The following PRKCZ variants were observed in gnomAD, a reference collection of about 807,000 sequenced individuals.
PRKCZ encodes the protein protein kinase C zeta.
PRKCZ carries 33 observed loss-of-function variants against 79.5 expected under a neutral mutation model. That is an observed-to-expected ratio of 0.41 (90% CI 0.31 to 0.55). The LOEUF (loss-of-function observed/expected upper bound fraction) is 0.55. Among genes scored for constraint, PRKCZ ranks in the 20% least tolerant of loss-of-function variants. PRKCZ has a pLI of 0.19. For synonymous variants in PRKCZ, 342 were observed against 320.9 expected (o/e 1.07, Z -0.70); for missense variants, 578 against 813.5 (o/e 0.71, Z 3.52).
At chr1:2,134,214 G>T (rs770675078) in intron 4 of PRKCZ, among the ~76,000 whole-genome samples, 16 of 152,302 alleles carry the variant, frequency 1.1e-4, no homozygotes, top group African/African-American at 2.6e-4. Flanking sequence ...TCTTGGTTTC[G>T]CTCTGAATCT....
intron 4 of PRKCZ, among the ~76,000 whole-genome samples, chr1:2,080,451 T>G (rs545408322): frequency 3.4e-5 from 5 of 146,506 alleles, no homozygotes; most frequent in African/African-American, 1.4e-4. Flanking sequence ...CCCCTCTGTT[T>G]GTTTTTCCTT....
At chr1:2,121,765 TGGTTAGGGTCAC>T (rs1557613709) in intron 4 of PRKCZ, among the ~76,000 whole-genome samples, 1 of 78,796 alleles carries the variant, frequency 1.3e-5, no homozygotes, top group Non-Finnish European at 2.3e-5. Flanking sequence ...GTCACGGCGG[TGGTTAGGGTCAC>T]GGTGGTGGTT....
At chr1:2,132,042 A>C (rs1571687950) in intron 4 of PRKCZ, among the ~76,000 whole-genome samples, 1 of 152,130 alleles carries the variant, frequency 6.6e-6, no homozygotes, top group Non-Finnish European at 1.5e-5. Context: ...CGATCTCCTG[A>C]CCTTGTGATC....
At chr1:2,080,532 C>T (rs1663303034) in intron 4 of PRKCZ, among the ~76,000 whole-genome samples, 2 of 152,152 alleles carry the variant, frequency 1.3e-5, no homozygotes, top group Admixed American at 6.5e-5. Flanking sequence ...TCTGTCACCC[C>T]CTCGTTCAGT....
At chr1:2,091,802 G>T (rs889505157) in intron 4 of PRKCZ, among the ~76,000 whole-genome samples, 4 of 152,214 alleles carry the variant, frequency 2.6e-5, no homozygotes, top group African/African-American at 9.7e-5. Context: ...TACCAGGTGG[G>T]AGCAGCAGGG....
rs566266668 is a variant in PRKCZ at position 2,128,612 on chromosome 1, A to C, written c.335-6650A>C. On this transcript the variant is annotated intron_variant, in intron 4 of 17. Coordinates refer to ENST00000378567, the MANE Select transcript of PRKCZ (RefSeq NM_002744.6). This position sits in a 1 kb window ranked among gnomAD's most constrained non-coding sequence, Gnocchi z 6.5. ...TGAAAGAGGAGGAGCGGCCCCTGTG[A>C]TCCCCACAATTTTGTTCCCTGCTTG... Among the ~76,000 whole-genome samples the C allele has an allele frequency of 3.9e-5, 6 of 152,208 alleles. No homozygotes were observed. The highest frequency in any genetic ancestry group is 1.4e-4 in the African/African-American group (6 of 41,522).
intron 4 of PRKCZ, among the ~76,000 whole-genome samples, chr1:2,108,453 G>A (rs549037960): frequency 2.0e-5 from 3 of 152,336 alleles, no homozygotes; most frequent in East Asian, 1.9e-4. Flanking sequence ...GGGCCGTGGC[G>A]GCTCCGAGGC....
At chr1:2,065,135 C>T (rs770856470) in intron 4 of PRKCZ, among the ~76,000 whole-genome samples, 2 of 152,086 alleles carry the variant, frequency 1.3e-5, no homozygotes, top group Non-Finnish European at 2.9e-5. Context: ...CTTGATTTCC[C>T]TTTTGCGTTG....
At chr1:2,164,205 C>T (rs902938747) in intron 10 of PRKCZ, among the ~76,000 whole-genome samples, 2 of 152,158 alleles carry the variant, frequency 1.3e-5, no homozygotes, top group African/African-American at 2.4e-5. Flanking sequence ...CTCCAGTGAT[C>T]AAGGGAGACA....
Position 2,165,803 on chromosome 1 carries a change from G to T in PRKCZ, c.975-3715G>T, listed in dbSNP as rs1557719414. 6.6e-6 allele frequency among the ~76,000 whole-genome samples: 1 copy of T among 152,140 alleles called. No homozygotes were observed. The highest frequency in any genetic ancestry group is 6.5e-5 in the Admixed American group (1 of 15,282). On this transcript the variant is annotated intron_variant, in intron 10 of 17. Coordinates refer to ENST00000378567, the MANE Select transcript of PRKCZ (RefSeq NM_002744.6). This position sits in a 1 kb window ranked among gnomAD's most constrained non-coding sequence, Gnocchi z 4.1. The stretch of plus-strand genomic sequence containing the variant: ...GGCTGTGGTTCCTCCCTCTGAGCCG[G>T]GCACCTTGCATTCCTGGAAGGGGTG...
chr1:2,145,544 A>C, intron 6 of PRKCZ: 1 of 154,412 alleles, frequency 6.5e-6, no homozygotes, highest in Non-Finnish European at 1.4e-5. Flanking sequence ...AATTCAGTAA[A>C]ATAGCATAAC....
At chr1:2,144,383 G>C in intron 6 of PRKCZ, 42 bp downstream of exon 6, 1 of 1,545,568 alleles carries the variant, frequency 6.5e-7, no homozygotes, top group Non-Finnish European at 8.7e-7. Flanking sequence ...CACGGGCGGG[G>C]TCGGGGCGTG....
chr1:2,125,930 G>A lies in PRKCZ; in HGVS notation c.335-9332G>A, dbSNP rs766972630. 9.9e-5 allele frequency among the ~76,000 whole-genome samples: 15 copies of A among 152,190 alleles called. No individual in the cohort carries two copies. The highest frequency in any genetic ancestry group is 2.2e-4 in the African/African-American group (9 of 41,446). On this transcript the variant is annotated intron_variant, in intron 4 of 17. Transcript: ENST00000378567. The surrounding 1 kb of genome is among the most constrained non-coding windows in gnomAD (Gnocchi z 4.2). ...TTCCATGGAGCACGGTTCCTGTCCC[G>A]GGGGTCCATATTGGCCACTGTGGGA...
Position 2,174,182 on chromosome 1 carries a change from C to T in PRKCZ, c.1405+166C>T, listed in dbSNP as rs187719167. Reference sequence around the variant, plus strand: ...AGACCCTGTGTCACATGCCACTCCCCGGGCCGTGGGGTGGGGTTACCACAC... The same window carrying T: ...AGACCCTGTGTCACATGCCACTCCCTGGGCCGTGGGGTGGGGTTACCACAC... On this transcript the variant is annotated intron_variant, in intron 14 of 17. Coordinates refer to ENST00000378567, the MANE Select transcript of PRKCZ (RefSeq NM_002744.6). This position sits in a 1 kb window ranked among gnomAD's most constrained non-coding sequence, Gnocchi z 6.2. Among the ~76,000 whole-genome samples the T allele has an allele frequency of 3.0e-3, 464 of 152,300 alleles. 1 individual carries two copies. The highest frequency in any genetic ancestry group is 0.01 in the African/African-American group (429 of 41,548).
At position 2,055,434 on chromosome 1, in the gene PRKCZ, G is replaced by A. The variant is rs1351485826; in HGVS notation, c.72-7G>A. On this transcript the variant is annotated splice_polypyrimidine_tract_variant and splice_region_variant and intron_variant, in intron 1 of 17. Transcript: ENST00000378567. ...GGTAACAGATGCCCATGTCCCCTCT[G>A]CCCCAGGGACATCTTCATCACCAGC... 1.9e-6 allele frequency: 3 copies of A among 1,609,618 alleles called. No individual in the cohort carries two copies. The South Asian group carries it at 3.3e-5, about 18-fold the overall frequency.
At chr1:2,112,679 G>T (rs573840514) in intron 4 of PRKCZ, among the ~76,000 whole-genome samples, 3,395 of 34,886 alleles carry the variant, frequency 0.097, 53 homozygotes, top group Non-Finnish European at 0.11. Context: ...TGTTTGTTTG[G>T]TTGGTTGGTT....
chr1:2,081,265 G>A (rs990633323), intron 4 of PRKCZ, among the ~76,000 whole-genome samples: 1 of 152,154 alleles, frequency 6.6e-6, no homozygotes, highest in African/African-American at 2.4e-5. Flanking sequence ...ATACCGTGTC[G>A]CTTACTTATT....
In PRKCZ at chr1:2,128,575, C is replaced by T. The variant is rs180713571; in HGVS notation, c.335-6687C>T. Among the ~76,000 whole-genome samples the T allele has an allele frequency of 1.6e-3, 239 of 152,298 alleles. 3 individuals are homozygous for T. Among genetic ancestry groups the T allele is most frequent in the African/African-American group, 5.3e-3 (221 of 41,580 alleles). On this transcript the variant is annotated intron_variant, in intron 4 of 17. Transcript: ENST00000378567. This position sits in a 1 kb window ranked among gnomAD's most constrained non-coding sequence, Gnocchi z 6.5. ...CACGCACAGAGCTCCTTGAGGTTGT[C>T]GGAGTTAAGGCTGAAAGAGGAGGAG...
intron 6 of PRKCZ, 139 bp downstream of exon 6, chr1:2,144,480 G>A (rs1444693267): frequency 4.8e-6 from 7 of 1,455,218 alleles, no homozygotes; most frequent in East Asian, 2.5e-5. Flanking sequence ...GGGCTGCAGC[G>A]TGAGACTCAG....
Sources: allele counts gnomAD v4.1 joint callset (sites outside exome capture counted in the v4.1 genomes callset), GRCh38; gene constraint gnomAD v4.1.1; non-coding constraint Gnocchi (gnomAD v3.1); transcripts MANE v1.5; gene names NCBI Gene and HGNC (gene_info 2026-07-23, HGNC 2026-07-21).